AGTPBP1: variants seen among roughly 807,000 people sequenced by gnomAD.
The protein encoded by AGTPBP1 is cytosolic carboxypeptidase 1.
AGTPBP1 carries 70 observed loss-of-function variants against 143.9 expected under a neutral mutation model. That is an observed-to-expected ratio of 0.49 (90% CI 0.40 to 0.59). The LOEUF (loss-of-function observed/expected upper bound fraction) is 0.59. Among genes scored for constraint, AGTPBP1 ranks in the 20% least tolerant of loss-of-function variants. AGTPBP1 has a pLI of 0.00. For synonymous variants in AGTPBP1, 463 were observed against 500.2 expected, an observed-to-expected ratio of 0.93 and a Z score of 0.99; for missense variants, 1,229 against 1,464.5, an observed-to-expected ratio of 0.84 and a Z score of 2.62.
At chr9:85,773,497 C>A in the AGTPBP1 span, among the ~76,000 whole-genome samples, 1 of 150,890 alleles carries the variant, frequency 6.6e-6, no homozygotes, top group Non-Finnish European at 1.5e-5. Flanking sequence ...CCACACCCAG[C>A]TAATTTTATA....
the AGTPBP1 span, among the ~76,000 whole-genome samples, chr9:85,802,594 C>G: frequency 6.6e-6 from 1 of 152,138 alleles, no homozygotes; most frequent in Admixed American, 6.5e-5. Context: ...CTTTTTTTCT[C>G]AATACTTTCC....
chr9:85,717,851 G>A (rs1411322718), intron 1 of AGTPBP1, among the ~76,000 whole-genome samples: 4 of 150,136 alleles, frequency 2.7e-5, no homozygotes, highest in East Asian at 2.0e-4. Context: ...CTAACAGGCC[G>A]TGGAGTGTGA....
chr9:85,799,281 C>A, the AGTPBP1 span, among the ~76,000 whole-genome samples: 1 of 152,222 alleles, frequency 6.6e-6, no homozygotes, highest in African/African-American at 2.4e-5. Context: ...AATAGTGCCG[C>A]AATAAACATA....
At chr9:85,603,033 C>G (rs548716773) in intron 17 of AGTPBP1, among the ~76,000 whole-genome samples, 48 of 152,324 alleles carry the variant, frequency 3.2e-4, no homozygotes, top group African/African-American at 1.1e-3. Context: ...GCCCCACCAC[C>G]GAAGGCTAAG....
the AGTPBP1 span, among the ~76,000 whole-genome samples, chr9:85,769,050 CAAAAAAAA>C: frequency 8.3e-5 from 5 of 60,170 alleles, 1 homozygote; most frequent in African/African-American, 2.1e-4. Context: ...GAGGCCCTGT[CAAAAAAAA>C]AAAAAAAAAA....
chr9:85,560,588 TA>T (rs1016452087), intron 25 of AGTPBP1, among the ~76,000 whole-genome samples: 4 of 149,646 alleles, frequency 2.7e-5, no homozygotes, highest in Admixed American at 6.6e-5. Flanking sequence ...CTTCTCAACT[TA>T]AAAAAAAAAT....
At chr9:85,591,027 T>C (rs1280365480) in intron 19 of AGTPBP1, among the ~76,000 whole-genome samples, 1 of 152,168 alleles carries the variant, frequency 6.6e-6, no homozygotes, top group Admixed American at 6.6e-5. Flanking sequence ...ATTAAATCTT[T>C]CATGCATTTC....
the AGTPBP1 span, among the ~76,000 whole-genome samples, chr9:85,761,732 A>G: frequency 6.6e-6 from 1 of 152,338 alleles, no homozygotes; most frequent in South Asian, 2.1e-4. Context: ...TTCATGTCTA[A>G]AACACCAAAA....
chr9:85,666,928 CATT>C (rs1466164529), intron 8 of AGTPBP1, among the ~76,000 whole-genome samples: 1 of 152,082 alleles, frequency 6.6e-6, no homozygotes, highest in Non-Finnish European at 1.5e-5. Context: ...TTAATACAGG[CATT>C]GTGCTAATTA....
At chr9:85,760,601 G>T in the AGTPBP1 span, among the ~76,000 whole-genome samples, 6 of 152,128 alleles carry the variant, frequency 3.9e-5, no homozygotes, top group Non-Finnish European at 8.8e-5. Flanking sequence ...AATAAATTAG[G>T]TATTGAGGGG....
At chr9:85,712,958 T>C (rs977965299) in intron 1 of AGTPBP1, among the ~76,000 whole-genome samples, 79 of 152,334 alleles carry the variant, frequency 5.2e-4, no homozygotes, top group African/African-American at 1.8e-3. Context: ...ATTCACACAG[T>C]AGTCAAATAC....
rs1428320832 is a variant in AGTPBP1, at chr9:85,592,628, TG to T, written c.2499del (p.Asn834IlefsTer57). On this transcript the variant is annotated frameshift_variant, in exon 19 of 26. Coordinates refer to ENST00000357081, the MANE Select transcript of AGTPBP1 (RefSeq NM_001330701.2). LOFTEE classifies it high-confidence loss of function. ...GKSYYTITFT[V>X]NFPHKDDVCY... is the part of the protein sequence containing the mutation. ...CAAACATCATCTTTATGTGGAAAAT[TG>T]ACAGTAAATGTAATTGTATAGTAGG... is the stretch of plus-strand genomic sequence containing the variant. 6.2e-7 allele frequency: 1 copy of T among 1,612,426 alleles called. No individual in the cohort carries two copies. The highest frequency in any genetic ancestry group is 1.7e-5 in the Admixed American group (1 of 59,766).
intron 11 of AGTPBP1, among the ~76,000 whole-genome samples, chr9:85,647,894 T>G (rs935654338): frequency 1.3e-5 from 2 of 152,140 alleles, no homozygotes; most frequent in African/African-American, 4.8e-5. Context: ...GGATGTAACA[T>G]AGTAGGCCAA....
rs776069212 is a variant in AGTPBP1, at chr9:85,681,308, TTGGC to T, written c.181_184del (p.Ala61LysfsTer13). On this transcript the variant is annotated frameshift_variant, in exon 4 of 26. Coordinates refer to ENST00000357081, the MANE Select transcript of AGTPBP1 (RefSeq NM_001330701.2). LOFTEE classifies it high-confidence loss of function. ...CAGAATTTCCATTCCTGTAGAACCT[TTGGC>T]TGTCATTTCTCTCCTTGTTTTTTCT... 1 of 1,612,134 alleles carries T rather than the reference TTGGC, an allele frequency of 6.2e-7. No individual in the cohort carries two copies. The highest frequency in any genetic ancestry group is 8.5e-7 in the Non-Finnish European group (1 of 1,179,606).
chr9:85,625,590 TAC>T (rs1831219960), intron 14 of AGTPBP1, among the ~76,000 whole-genome samples: 1 of 151,976 alleles, frequency 6.6e-6, no homozygotes, highest in African/African-American at 2.4e-5. Flanking sequence ...TTTTTAAAAA[TAC>T]AGTTTTTTTT....
At chr9:85,707,366 CAA>C (rs1417337744) in intron 2 of AGTPBP1, among the ~76,000 whole-genome samples, 1 of 151,832 alleles carries the variant, frequency 6.6e-6, no homozygotes, top group Non-Finnish European at 1.5e-5. Context: ...AAAGTAAGCA[CAA>C]GTCAGGAAAT....
intron 2 of AGTPBP1, among the ~76,000 whole-genome samples, chr9:85,697,807 T>A (rs1015014627): frequency 3.9e-5 from 6 of 152,106 alleles, no homozygotes; most frequent in African/African-American, 1.4e-4. Flanking sequence ...TGAACAAAAG[T>A]TTTTTGGAGT....
the AGTPBP1 span, among the ~76,000 whole-genome samples, chr9:85,761,649 T>C: frequency 6.6e-6 from 1 of 152,282 alleles, no homozygotes; most frequent in Admixed American, 6.5e-5. Context: ...ACTTAAATGT[T>C]AGACCTAAAA....
chr9:85,684,987 A>G (rs191662115), intron 3 of AGTPBP1, among the ~76,000 whole-genome samples: 2 of 152,208 alleles, frequency 1.3e-5, no homozygotes, highest in Admixed American at 1.3e-4. Flanking sequence ...ATAAAAAAAA[A>G]AACATCTGAA....
Sources: gnomAD v4.1 joint callset for allele counts (sites outside exome capture counted in the v4.1 genomes callset) on GRCh38, gnomAD v4.1.1 for gene constraint, MANE v1.5 for transcripts, NCBI Gene and HGNC (gene_info 2026-07-23, HGNC 2026-07-21) for gene names.